The following ZNF197 variants were observed in gnomAD, a reference collection of about 807,000 sequenced individuals.
ZNF197 encodes zinc finger protein 197.
ZNF197 carries 14 observed loss-of-function variants against 27.4 expected under a neutral mutation model. The observed-to-expected ratio is 0.51, with a 90% CI of 0.34 to 0.80. The LOEUF is 0.80. Among genes scored for constraint, ZNF197 ranks in the 30% least tolerant of loss-of-function variants. ZNF197 has a pLI of 0.02. For missense variants in ZNF197, 1,090 were observed against 1,222.6 expected, an observed-to-expected ratio of 0.89 and a Z score of 1.62; for synonymous variants, 415 against 420.0, an observed-to-expected ratio of 0.99 and a Z score of 0.15.
At chr3:44,641,284 CCTGA>C (rs749064229) in intron 5 of ZNF197, among the ~76,000 whole-genome samples, 12 of 152,228 alleles carry the variant, frequency 7.9e-5, no homozygotes, top group Non-Finnish European at 1.2e-4. Context: ...TCATAACAGA[CCTGA>C]CTATTTAAAA....
chr3:44,632,801 T>C (rs889604464), intron 5 of ZNF197, among the ~76,000 whole-genome samples: 4 of 152,074 alleles, frequency 2.6e-5, no homozygotes, highest in Non-Finnish European at 5.9e-5. Flanking sequence ...GTTTGAGGGA[T>C]TTTTTACATT....
At chr3:44,630,880 G>A in intron 2 of ZNF197, 182 bp from the exon 3 acceptor site, 1 of 812,084 alleles carries the variant, frequency 1.2e-6, no homozygotes, top group Non-Finnish European at 2.1e-6. Context: ...CCATGAGTGG[G>A]GCTCGAGGGC....
At chr3:44,625,942 T>G (rs1001096334) in intron 1 of ZNF197, among the ~76,000 whole-genome samples, 11 of 152,212 alleles carry the variant, frequency 7.2e-5, no homozygotes, top group Admixed American at 6.5e-4. Flanking sequence ...TGGAATTGTT[T>G]TGGACTTCTG....
Position 44,642,147 on chromosome 3 carries a change from A to G in ZNF197, c.1017A>G (p.Lys339=). Residue 339 remains lysine, a synonymous_variant, in exon 6 of 6, where the codon AAA becomes AAG. Coordinates refer to ENST00000344387, the MANE Select transcript of ZNF197 (RefSeq NM_006991.5). ...RDKKKRTPPE[K]QGQKWKELGD... is the part of the protein sequence containing the mutation. ...AGAAGAAAAGGACTCCACCAGAGAA[A>G]CAAGGCCAAAAGTGGAAGGAATTAG... 6.2e-7 allele frequency: 1 copy of G among 1,614,168 alleles called. No homozygotes were observed. Among genetic ancestry groups the G allele is most frequent in the Non-Finnish European group, 8.5e-7 (1 of 1,180,024 alleles).
rs2125822607 is a variant in ZNF197 at position 44,642,576 on chromosome 3, T to C, written c.1446T>C (p.Tyr482=). ...GGCGCCATTCAGGGGAGAGACCTTA[T>C]AAGTGTAATGAATGTGGGAAAGTCT... is the stretch of plus-strand genomic sequence containing the variant. ...HLRRHSGERP[Y]KCNECGKVFS... Residue 482 remains tyrosine, a synonymous_variant, in exon 6 of 6, where the codon TAT becomes TAC. Transcript: ENST00000344387. 1.2e-6 allele frequency: 2 copies of C among 1,614,136 alleles called. No homozygotes were observed. The highest frequency in any genetic ancestry group is 1.7e-6 in the Non-Finnish European group (2 of 1,180,012).
Position 44,639,994 on chromosome 3 carries a change from A to G in ZNF197, c.770-1906A>G, listed in dbSNP as rs137875851. On this transcript the variant is annotated intron_variant, in intron 5 of 5. Coordinates refer to ENST00000344387, the MANE Select transcript of ZNF197 (RefSeq NM_006991.5). ...GTAAGTGACAGGATCAAATTTACCT[A>G]TCGGAAAGATCATTGACAGAAGATA... Among the ~76,000 whole-genome samples the G allele has an allele frequency of 8.3e-4, 127 of 152,296 alleles. 1 individual carries two copies. Among genetic ancestry groups the G allele is most frequent in the African/African-American group, 2.9e-3 (122 of 41,558 alleles).
rs138617300 is a variant in ZNF197, at chr3:44,646,502, T to C, written c.*2282T>C. The stretch of plus-strand genomic sequence containing the variant: ...GACCTCATTGCCAGGTTACAGGAAA[T>C]ACAGGAGGCAGAGGAACAAATAAAA... On this transcript the variant is annotated 3_prime_UTR_variant, in exon 6 of 6. Transcript: ENST00000344387. 19 of 1,572,240 alleles carry C rather than the reference T, an allele frequency of 1.2e-5. No homozygotes were observed. The African/African-American group carries it at 2.4e-4, about 20-fold the overall frequency.
intron 3 of ZNF197, 68 bp downstream of exon 3, chr3:44,631,289 C>T: frequency 1.3e-6 from 2 of 1,584,646 alleles, no homozygotes; most frequent in Admixed American, 3.4e-5. Flanking sequence ...CCCCTACTTC[C>T]AGGGAGTTGC....
chr3:44,645,525 G>T lies in ZNF197; in HGVS notation c.*1305G>T. ...GCCAGCCATTAACAGTGATGCCAAG[G>T]AAAACAATTTATTTCCCAGCTTTTG... On this transcript the variant is annotated 3_prime_UTR_variant, in exon 6 of 6. Coordinates refer to ENST00000344387, the MANE Select transcript of ZNF197 (RefSeq NM_006991.5). 1 of 985,344 alleles carries T rather than the reference G, an allele frequency of 1.0e-6. No homozygotes were observed. Among genetic ancestry groups the T allele is most frequent in the Non-Finnish European group, 1.2e-6 (1 of 829,914 alleles). The allele number at this position is 985,344 out of a possible 1,614,324, so 61.0% of individuals were successfully genotyped here.
At position 44,643,178 on chromosome 3, in the gene ZNF197, G is replaced by T. The variant is rs998106665; in HGVS notation, c.2048G>T (p.Cys683Phe). 1.9e-6 allele frequency: 3 copies of T among 1,613,060 alleles called. No individual in the cohort carries two copies. The African/African-American group carries it at 4.0e-5, about 22-fold the overall frequency. Residue 683 changes from cysteine (C) to phenylalanine (F), a missense_variant, in exon 6 of 6, where the codon TGT becomes TTT. Cys to Phe is a radical substitution (Grantham distance 205). Coordinates refer to ENST00000344387, the MANE Select transcript of ZNF197 (RefSeq NM_006991.5). ...TGENLYECKD[C>F]GKVFGSNRNL... The stretch of plus-strand genomic sequence containing the variant: ...GAGAATCTCTATGAATGTAAAGATT[G>T]TGGTAAGGTCTTCGGTTCAAACAGA...
Position 44,643,849 on chromosome 3 carries a change from T to C in ZNF197, c.2719T>C (p.Cys907Arg). ...TGEKPYKCNE[C>R]GKDFSQNKNL... ...AGAGAAACCTTATAAATGTAATGAG[T>C]GTGGAAAAGACTTTAGTCAGAATAA... The change falls in exon 6 of 6, where the codon TGT (cysteine) becomes CGT (arginine). Residue 907 changes from cysteine to arginine, a missense_variant. Physicochemically the swap from Cys to Arg is radical, Grantham distance 180. Coordinates refer to ENST00000344387, the MANE Select transcript of ZNF197 (RefSeq NM_006991.5). The C allele has an allele frequency of 1.9e-6, 3 of 1,613,414 alleles. No individual in the cohort carries two copies. The highest frequency in any genetic ancestry group is 2.5e-6 in the Non-Finnish European group (3 of 1,179,860).
Position 44,642,767 on chromosome 3 carries a change from C to T in ZNF197, c.1637C>T (p.Thr546Ile), listed in dbSNP as rs767767316. ...KPYKCDECGK[T>I]FAQTTYLIDH... ...TATAAATGTGATGAATGTGGAAAGA[C>T]CTTTGCTCAGACCACTTATCTTATT... is the stretch of plus-strand genomic sequence containing the variant. Residue 546 changes from threonine to isoleucine, a missense_variant, in exon 6 of 6, where the codon ACC (threonine) becomes ATC (isoleucine). Thr to Ile is a moderately conservative substitution (Grantham distance 89, BLOSUM62 -1). Transcript: ENST00000344387. 3 of 1,613,500 alleles carry T rather than the reference C, an allele frequency of 1.9e-6. No homozygotes were observed. The highest frequency in any genetic ancestry group is 2.2e-5 in the East Asian group (1 of 44,876).
Position 44,643,697 on chromosome 3 carries a change from CG to C in ZNF197, c.2568del (p.Tyr857ThrfsTer5), listed in dbSNP as rs1310463857. On this transcript the variant is annotated frameshift_variant, in exon 6 of 6. Coordinates refer to ENST00000344387, the MANE Select transcript of ZNF197 (RefSeq NM_006991.5). LOFTEE classifies it low-confidence loss of function (END_TRUNC). ...TGTAGTGAGTGTGGAAAAGGTTTTA[CG>C]TACAACAGAAACCTGATTGAACATC... Reference protein sequence around the residue: ...YACSECGKGFTYNRNLIEHQR... With the variant: ...YACSECGKGFXYNRNLIEHQR... 1 of 1,613,940 alleles carries C rather than the reference CG, an allele frequency of 6.2e-7. No individual in the cohort carries two copies. The highest frequency in any genetic ancestry group is 8.5e-7 in the Non-Finnish European group (1 of 1,179,950).
At chr3:44,631,855 C>T (rs1702025886) in intron 3 of ZNF197, among the ~76,000 whole-genome samples, 1 of 152,234 alleles carries the variant, frequency 6.6e-6, no homozygotes, top group South Asian at 2.1e-4. Context: ...CACGTGCCAC[C>T]ACGCCCAGCT....
rs1481457054 is a variant in ZNF197 at position 44,640,049 on chromosome 3, G to C, written c.770-1851G>C. 2.0e-5 allele frequency among the ~76,000 whole-genome samples: 3 copies of C among 152,162 alleles called. No individual in the cohort carries two copies. Among genetic ancestry groups the C allele is most frequent in the Non-Finnish European group, 4.4e-5 (3 of 68,034 alleles). ...TGGATTAGGGCAGATGAAAGGCGGG[G>C]GGTGTCAGTGGTAGGAAAGCCTGTG... is the stretch of plus-strand genomic sequence containing the variant. On this transcript the variant is annotated intron_variant, in intron 5 of 5. Transcript: ENST00000344387. The surrounding 1 kb of genome is among the most constrained non-coding windows in gnomAD (Gnocchi z 4.0).
At chr3:44,635,008 T>C (rs1702206195) in intron 5 of ZNF197, among the ~76,000 whole-genome samples, 1 of 152,100 alleles carries the variant, frequency 6.6e-6, no homozygotes, top group African/African-American at 2.4e-5. Flanking sequence ...CAAGTAGCTT[T>C]CAGTAGTTCC....
In ZNF197 at chr3:44,641,904, G is replaced by A; in HGVS notation, c.774G>A (p.Trp258Ter). The A allele has an allele frequency of 2.5e-6, 4 of 1,585,262 alleles. No homozygotes were observed. The highest frequency in any genetic ancestry group is 3.4e-6 in the Non-Finnish European group (4 of 1,167,870). The change falls in exon 6 of 6, where the codon TGG becomes TGA. Residue 258 changes from tryptophan (W) to a stop codon, truncating the protein, a stop_gained. Coordinates refer to ENST00000344387, the MANE Select transcript of ZNF197 (RefSeq NM_006991.5). LOFTEE classifies it low-confidence loss of function (END_TRUNC). ...ATTTTTAATTCCTTTTACCAGAATG[G>A]GAGACCATGACCGAGAATGAGGAGG... ...ENYGNVTSLE[W>*]ETMTENEEVT...
intron 5 of ZNF197, among the ~76,000 whole-genome samples, chr3:44,636,041 A>G (rs571997229): frequency 1.6e-3 from 241 of 152,366 alleles, no homozygotes; most frequent in African/African-American, 5.6e-3. Flanking sequence ...ATGGTGGCTC[A>G]TGCCTGTAAT....
In ZNF197 at chr3:44,642,786, T is replaced by C. The variant is rs1702695124; in HGVS notation, c.1656T>C (p.Tyr552=). Residue 552 remains tyrosine, a synonymous_variant, in exon 6 of 6, where the codon TAT becomes TAC. Coordinates refer to ENST00000344387, the MANE Select transcript of ZNF197 (RefSeq NM_006991.5). Reference sequence around the variant, plus strand: ...GAAAGACCTTTGCTCAGACCACTTATCTTATTGACCATCAGCGACTCCACA... The same window carrying C: ...GAAAGACCTTTGCTCAGACCACTTACCTTATTGACCATCAGCGACTCCACA... The part of the protein sequence containing the change: ...ECGKTFAQTT[Y]LIDHQRLHSA... 6.2e-7 allele frequency: 1 copy of C among 1,613,568 alleles called. No individual in the cohort carries two copies. Among genetic ancestry groups the C allele is most frequent in the East Asian group, 2.2e-5 (1 of 44,868 alleles).
Sources: gnomAD v4.1 joint callset for allele counts (sites outside exome capture counted in the v4.1 genomes callset) on GRCh38, gnomAD v4.1.1 for gene constraint, Gnocchi (gnomAD v3.1) non-coding constraint, MANE v1.5 for transcripts, NCBI Gene and HGNC (gene_info 2026-07-23, HGNC 2026-07-21) for gene names.